Variants in PARPBP observed in about 807,000 individuals in gnomAD.
PARPBP encodes the protein PCNA-interacting partner.
PARPBP carries 52 observed loss-of-function variants against 50.0 expected under a neutral mutation model. The ratio of observed to expected loss-of-function variants is 1.04; its 90% CI spans 0.83 to 1.31. PARPBP has a LOEUF of 1.31. Among genes scored for constraint, PARPBP ranks in the 50% most tolerant of loss-of-function variants. PARPBP has a pLI of 0.00. For missense variants in PARPBP, 697 were observed against 672.0 expected (o/e 1.04, Z -0.41); for synonymous variants, 244 against 232.1 (o/e 1.05, Z -0.47).
intron 9 of PARPBP, among the ~76,000 whole-genome samples, chr12:102,194,294 T>C (rs10860842): frequency 0.29 from 43,527 of 151,810 alleles, 6,679 homozygotes; most frequent in East Asian, 0.42. Context: ...AATGTAGTTA[T>C]ACTCGAAGTG....
intron 2 of PARPBP, among the ~76,000 whole-genome samples, chr12:102,140,078 C>G (rs1457097986): frequency 5.3e-5 from 8 of 152,058 alleles, no homozygotes; most frequent in Admixed American, 5.2e-4. Context: ...CTCTTTGTAC[C>G]TCTGGTAGAA....
intron 3 of PARPBP, among the ~76,000 whole-genome samples, chr12:102,153,180 G>A (rs1025686534): frequency 1.3e-5 from 2 of 152,126 alleles, no homozygotes; most frequent in African/African-American, 4.8e-5. Flanking sequence ...CAGGACGACA[G>A]CTTTGATCCC....
chr12:102,149,679 A>G (rs910488843), intron 3 of PARPBP, among the ~76,000 whole-genome samples: 1 of 152,218 alleles, frequency 6.6e-6, no homozygotes, highest in Non-Finnish European at 1.5e-5. Flanking sequence ...CAAAAGCTCT[A>G]TTACTAGGGA....
At chr12:102,146,806 G>A (rs1015160274) in intron 2 of PARPBP, among the ~76,000 whole-genome samples, 194 of 152,190 alleles carry the variant, frequency 1.3e-3, no homozygotes, top group Non-Finnish European at 2.3e-3. Context: ...GAAAATTTCC[G>A]CAACCTACTC....
intron 3 of PARPBP, among the ~76,000 whole-genome samples, chr12:102,149,915 A>G (rs1033108086): frequency 2.0e-5 from 3 of 152,208 alleles, no homozygotes; most frequent in African/African-American, 7.2e-5. Context: ...TAGTTGATTT[A>G]GAGAGGCTTA....
At chr12:102,139,997 T>C (rs1276880790) in intron 2 of PARPBP, among the ~76,000 whole-genome samples, 2 of 152,246 alleles carry the variant, frequency 1.3e-5, no homozygotes, top group East Asian at 3.8e-4. Flanking sequence ...GCTGGCCTCA[T>C]AAAATGAGTT....
In PARPBP at chr12:102,196,945, A is replaced by C; in HGVS notation, c.*654A>C. ...TTCTGTTTAATGGTGGTAGGATGTA[A>C]GAATTGAATTTTGAAAAGACTACTC... On this transcript the variant is annotated 3_prime_UTR_variant, in exon 11 of 11. Coordinates refer to ENST00000327680, the MANE Select transcript of PARPBP (RefSeq NM_017915.5). The C allele has an allele frequency of 6.4e-7, 1 of 1,552,138 alleles. No homozygotes were observed. Among genetic ancestry groups the C allele is most frequent in the South Asian group, 1.1e-5 (1 of 89,538 alleles).
intron 7 of PARPBP, among the ~76,000 whole-genome samples, chr12:102,177,415 A>G (rs1423494191): frequency 6.6e-6 from 1 of 152,214 alleles, no homozygotes. Context: ...GTTATACAGG[A>G]TATACAACTA....
chr12:102,143,924 T>A (rs571637267), intron 2 of PARPBP, among the ~76,000 whole-genome samples: 3 of 152,334 alleles, frequency 2.0e-5, no homozygotes, highest in Admixed American at 6.5e-5. Context: ...GTAACTGTGA[T>A]CTAACAAGAA....
chr12:102,153,346 C>A (rs1230159582), intron 3 of PARPBP, among the ~76,000 whole-genome samples: 1 of 152,140 alleles, frequency 6.6e-6, no homozygotes, highest in Non-Finnish European at 1.5e-5. Context: ...CAGCCTTGTG[C>A]CTATTAAACT....
At chr12:102,123,105 T>C (rs1463593535) in intron 1 of PARPBP, among the ~76,000 whole-genome samples, 3 of 152,204 alleles carry the variant, frequency 2.0e-5, no homozygotes, top group Non-Finnish European at 4.4e-5. Context: ...CCAGGGAAGC[T>C]TATTAGAGAC....
rs80246441 is a variant in PARPBP, at chr12:102,183,452, C to G, written c.1263+825C>G. ...AGTTAATACCTGTTTCATCTACATACCCTATACCCATTTAGTTTATTTATT... is the reference window on the plus strand; with the variant it reads ...AGTTAATACCTGTTTCATCTACATAGCCTATACCCATTTAGTTTATTTATT... On this transcript the variant is annotated intron_variant, in intron 9 of 10. Transcript: ENST00000327680. 8.2e-3 allele frequency among the ~76,000 whole-genome samples: 1,245 copies of G among 152,106 alleles called. 11 individuals are homozygous for G. Among genetic ancestry groups the G allele is most frequent in the African/African-American group, 0.029 (1,186 of 41,514 alleles).
rs1177915861 is a variant in PARPBP at position 102,197,508 on chromosome 12, A to G, written c.*1217A>G. ...TTTTCATTGAAATAAACGACAAGTC[A>G]CATTGCCACTTACCTTTGAAACTTT... On this transcript the variant is annotated 3_prime_UTR_variant, in exon 11 of 11. Coordinates refer to ENST00000327680, the MANE Select transcript of PARPBP (RefSeq NM_017915.5). 1.5e-5 allele frequency: 24 copies of G among 1,585,786 alleles called. No homozygotes were observed. The highest frequency in any genetic ancestry group is 2.1e-5 in the Non-Finnish European group (24 of 1,168,958).
At chr12:102,139,549 C>A (rs1181214087) in intron 2 of PARPBP, among the ~76,000 whole-genome samples, 1 of 152,186 alleles carries the variant, frequency 6.6e-6, no homozygotes, top group African/African-American at 2.4e-5. Flanking sequence ...GAGGGCATCC[C>A]TGTCTTGTGC....
intron 2 of PARPBP, among the ~76,000 whole-genome samples, chr12:102,141,686 G>C (rs1315755666): frequency 6.6e-6 from 1 of 152,098 alleles, no homozygotes; most frequent in African/African-American, 2.4e-5. Flanking sequence ...GTCTGGTGGT[G>C]ACAAAATCTC....
chr12:102,137,098 C>A (rs915453737), intron 2 of PARPBP, among the ~76,000 whole-genome samples: 3 of 152,072 alleles, frequency 2.0e-5, no homozygotes, highest in Non-Finnish European at 4.4e-5. Context: ...GGACTACAGG[C>A]ACCCACCACC....
intron 2 of PARPBP, among the ~76,000 whole-genome samples, chr12:102,145,413 T>G (rs1023800694): frequency 3.3e-5 from 5 of 152,158 alleles, no homozygotes; most frequent in African/African-American, 1.2e-4. Context: ...ACTCATGGTG[T>G]ATTAAAAAGG....
chr12:102,159,277 G>A (rs866045886), intron 4 of PARPBP, among the ~76,000 whole-genome samples: 1 of 150,556 alleles, frequency 6.6e-6, no homozygotes, highest in African/African-American at 2.4e-5. Flanking sequence ...ATTACAGGCC[G>A]TGCCACCACG....
At chr12:102,184,681 A>G (rs1284310490) in intron 9 of PARPBP, among the ~76,000 whole-genome samples, 1 of 152,206 alleles carries the variant, frequency 6.6e-6, no homozygotes, top group Non-Finnish European at 1.5e-5. Flanking sequence ...ATCTACTAAT[A>G]AACGGCAATC....
Sources: allele counts gnomAD v4.1 joint callset (sites outside exome capture counted in the v4.1 genomes callset), GRCh38; gene constraint gnomAD v4.1.1; transcripts MANE v1.5; gene names NCBI Gene and HGNC (gene_info 2026-07-23, HGNC 2026-07-21).